The following TNRC6B variants were observed in gnomAD, a reference collection of about 807,000 sequenced individuals.
TNRC6B encodes trinucleotide repeat-containing gene 6B protein.
TNRC6B carries 52 observed loss-of-function variants against 203.6 expected under a neutral mutation model. The observed-to-expected ratio is 0.26, with a 90% CI of 0.20 to 0.32. The LOEUF is 0.32. Among genes scored for constraint, TNRC6B ranks in the 10% least tolerant of loss-of-function variants. TNRC6B has a pLI of 1.00. For synonymous variants in TNRC6B, 838 were observed against 845.7 expected, an observed-to-expected ratio of 0.99 and a Z score of 0.16; for missense variants, 1,923 against 2,286.2, an observed-to-expected ratio of 0.84 and a Z score of 3.24.
At chr22:40,186,613 C>A (rs967070295) in intron 1 of TNRC6B, among the ~76,000 whole-genome samples, 2 of 151,636 alleles carry the variant, frequency 1.3e-5, no homozygotes, top group Admixed American at 6.6e-5. Context: ...TGGCGGATGC[C>A]TGTAATCCCA....
At chr22:40,282,982 C>T (rs1219562544) in intron 11 of TNRC6B, among the ~76,000 whole-genome samples, 5 of 152,076 alleles carry the variant, frequency 3.3e-5, no homozygotes, top group Non-Finnish European at 7.4e-5. Flanking sequence ...TGCATTAGCA[C>T]ATATACAAGT....
At chr22:40,159,228 G>C (rs542724255) in intron 4 of TNRC6B, among the ~76,000 whole-genome samples, 3 of 151,330 alleles carry the variant, frequency 2.0e-5, no homozygotes, top group Non-Finnish European at 2.9e-5. Context: ...CTCCCAAAGT[G>C]CTGGGATTAC....
At chr22:40,314,113 A>G (rs1472654717) in intron 19 of TNRC6B, among the ~76,000 whole-genome samples, 1 of 152,170 alleles carries the variant, frequency 6.6e-6, no homozygotes, top group African/African-American at 2.4e-5. Flanking sequence ...TCTTTTTCCA[A>G]CAGTTGAAAA....
At chr22:40,235,672 A>G (rs1187189440) in intron 1 of TNRC6B, among the ~76,000 whole-genome samples, 2 of 152,236 alleles carry the variant, frequency 1.3e-5, no homozygotes, top group Non-Finnish European at 2.9e-5. Flanking sequence ...AAAGAATTGT[A>G]TTGTGAATTA....
intron 4 of TNRC6B, among the ~76,000 whole-genome samples, chr22:40,263,205 C>G (rs2070414120): frequency 1.3e-5 from 2 of 152,150 alleles, no homozygotes; most frequent in African/African-American, 4.8e-5. Context: ...TAGGCATTGG[C>G]AAAGATAATG....
chr22:40,328,718 G>A lies in TNRC6B; in HGVS notation c.*5477G>A, dbSNP rs959399835. 4.6e-5 allele frequency: 7 copies of A among 152,140 alleles called. No individual in the cohort carries two copies. The highest frequency in any genetic ancestry group is 1.7e-4 in the African/African-American group (7 of 41,438). 9.4% of individuals were successfully genotyped at this position (152,140 alleles called of 1,614,324 possible). On this transcript the variant is annotated 3_prime_UTR_variant, in exon 23 of 23. Coordinates refer to ENST00000454349, the MANE Select transcript of TNRC6B (RefSeq NM_001162501.2). ...CGCCAAGCCTGTTTTTCTCTGCAGA[G>A]TAAACAGGATGTTTTCAGCAGACTT... is the stretch of plus-strand genomic sequence containing the variant.
At chr22:40,292,352 CAAAA>C (rs3044498) in intron 12 of TNRC6B, among the ~76,000 whole-genome samples, 6 of 100,798 alleles carry the variant, frequency 6.0e-5, no homozygotes, top group Non-Finnish European at 4.0e-5. Context: ...GACTCCATCT[CAAAA>C]AAAAAAAAAA....
chr22:40,076,527 A>T (rs2068015164), intron 1 of TNRC6B, among the ~76,000 whole-genome samples: 1 of 152,154 alleles, frequency 6.6e-6, no homozygotes, highest in Admixed American at 6.5e-5. Flanking sequence ...TTGGCACCTT[A>T]AAGATGCTTT....
At chr22:40,152,715 C>A (rs192840847) in intron 3 of TNRC6B, among the ~76,000 whole-genome samples, 1 of 152,174 alleles carries the variant, frequency 6.6e-6, no homozygotes, top group Non-Finnish European at 1.5e-5. Flanking sequence ...TTGTGATCCG[C>A]CTGCCTCAGC....
At chr22:40,174,166 TTTC>T (rs2069033596), upstream of TNRC6B, among the ~76,000 whole-genome samples, 1 of 151,774 alleles carries the variant, frequency 6.6e-6, no homozygotes, top group African/African-American at 2.4e-5. Flanking sequence ...TCTTTTTCTT[TTTC>T]TTTTTTTTTT....
At position 40,232,922 on chromosome 22, in the gene TNRC6B, C is replaced by T. The variant is rs2899335; in HGVS notation, c.6-13093C>T. 4.2e-3 allele frequency among the ~76,000 whole-genome samples: 639 copies of T among 152,020 alleles called. 1 individual carries two copies. Among genetic ancestry groups the T allele is most frequent in the Non-Finnish European group, 7.9e-3 (534 of 67,962 alleles). On this transcript the variant is annotated intron_variant, in intron 1 of 22. Transcript: ENST00000454349. Reference sequence around the variant, plus strand: ...ATCCCAGCACTTTAGGAGGCTGAGGCGGGCAGAACACGAGATCAGGAGATC... The same window carrying T: ...ATCCCAGCACTTTAGGAGGCTGAGGTGGGCAGAACACGAGATCAGGAGATC...
chr22:40,302,441 T>G (rs1321480143), intron 15 of TNRC6B, among the ~76,000 whole-genome samples: 1 of 152,082 alleles, frequency 6.6e-6, no homozygotes, highest in Non-Finnish European at 1.5e-5. Flanking sequence ...GAGACCAGCC[T>G]GGCCAATGTA....
intron 1 of TNRC6B, among the ~76,000 whole-genome samples, chr22:40,054,434 A>G (rs1699679292): frequency 6.6e-6 from 1 of 152,086 alleles, no homozygotes; most frequent in African/African-American, 2.4e-5. Flanking sequence ...TGAGCATACT[A>G]TTCTCACAGC....
chr22:40,110,969 A>G (rs138643057), intron 1 of TNRC6B, among the ~76,000 whole-genome samples: 129 of 152,360 alleles, frequency 8.5e-4, no homozygotes, highest in African/African-American at 2.9e-3. Flanking sequence ...ATTGAATGAC[A>G]GTGATAAGGA....
chr22:40,178,302 G>A (rs2069089708), intron 1 of TNRC6B, among the ~76,000 whole-genome samples, 162 bp downstream of exon 1: 1 of 152,036 alleles, frequency 6.6e-6, no homozygotes, highest in Non-Finnish European at 1.5e-5. Flanking sequence ...ACTTTGGTTC[G>A]GCATTTTAGA....
At chr22:40,153,857 A>C (rs1418890978) in intron 3 of TNRC6B, among the ~76,000 whole-genome samples, 12 of 151,068 alleles carry the variant, frequency 7.9e-5, no homozygotes, top group Non-Finnish European at 8.8e-5. Flanking sequence ...ATTTAATATA[A>C]ATTTTAATTT....
chr22:40,311,112 A>G (rs978614434), intron 17 of TNRC6B, 119 bp downstream of exon 17: 11 of 1,172,018 alleles, frequency 9.4e-6, no homozygotes, highest in Non-Finnish European at 1.3e-5. Flanking sequence ...TATTTTTTTC[A>G]TTCAATAATT....
At chr22:40,251,633 C>T (rs1394256123) in intron 3 of TNRC6B, among the ~76,000 whole-genome samples, 1 of 151,688 alleles carries the variant, frequency 6.6e-6, no homozygotes, top group African/African-American at 2.4e-5. Context: ...GCATGAGAAT[C>T]GCTTGAACCT....
chr22:40,114,196 A>G (rs2068366568), intron 1 of TNRC6B, among the ~76,000 whole-genome samples: 2 of 152,204 alleles, frequency 1.3e-5, no homozygotes, highest in Non-Finnish European at 1.5e-5. Flanking sequence ...GTAAGATACC[A>G]GCAAAATAAA....
Sources: gnomAD v4.1 joint callset for allele counts (sites outside exome capture counted in the v4.1 genomes callset) on GRCh38, gnomAD v4.1.1 for gene constraint, MANE v1.5 for transcripts, NCBI Gene and HGNC (gene_info 2026-07-23, HGNC 2026-07-21) for gene names.